CDH20: variants seen among roughly 807,000 people sequenced by gnomAD.
The protein encoded by CDH20 is cadherin 20, also known as cadherin-20.
CDH20 carries 29 observed loss-of-function variants against 74.2 expected under a neutral mutation model. The observed-to-expected ratio is 0.39, with a 90% CI of 0.29 to 0.53. The LOEUF is 0.53. Among genes scored for constraint, CDH20 ranks in the 20% least tolerant of loss-of-function variants. CDH20 has a pLI of 0.69. For synonymous variants in CDH20, 469 were observed against 405.4 expected (o/e 1.16, Z -1.88); for missense variants, 988 against 1,048.3 (o/e 0.94, Z 0.79).
chr18:61,476,192 C>T (rs944929070), intron 1 of CDH20, among the ~76,000 whole-genome samples: 3 of 152,172 alleles, frequency 2.0e-5, no homozygotes, highest in Non-Finnish European at 4.4e-5. Context: ...ATGGCTTCTG[C>T]TTCAAGAACA....
chr18:61,485,930 G>A (rs608456), intron 1 of CDH20, among the ~76,000 whole-genome samples: 150,862 of 152,132 alleles, frequency 0.99, 74,819 homozygotes, highest in Middle Eastern at 1. Context: ...AAAATTAGCC[G>A]GGTGTGGTGG....
intron 1 of CDH20, among the ~76,000 whole-genome samples, chr18:61,476,714 G>A (rs535855494): frequency 1.2e-4 from 18 of 152,260 alleles, no homozygotes; most frequent in Admixed American, 4.6e-4. Flanking sequence ...ACTTGAAATG[G>A]CTGAGAAGAT....
chr18:61,394,568 G>C (rs1469320496), intron 1 of CDH20, among the ~76,000 whole-genome samples: 1 of 152,098 alleles, frequency 6.6e-6, no homozygotes, highest in Non-Finnish European at 1.5e-5. Flanking sequence ...CCCTCAGAAG[G>C]AACCAACCCT....
intron 1 of CDH20, among the ~76,000 whole-genome samples, chr18:61,406,835 G>A (rs1285158627): frequency 1.3e-5 from 2 of 151,350 alleles, no homozygotes; most frequent in African/African-American, 4.9e-5. Context: ...AGAGTGTTGG[G>A]GAAACATCAT....
At chr18:61,359,990 AGTTGCC>A (rs1910635560) in intron 1 of CDH20, among the ~76,000 whole-genome samples, 2 of 152,164 alleles carry the variant, frequency 1.3e-5, no homozygotes, top group Admixed American at 6.5e-5. Context: ...CTAAAGGAAA[AGTTGCC>A]GTCAAATTTA....
At position 61,554,427 on chromosome 18, in the gene CDH20, C is replaced by G. The variant is rs1913551810; in HGVS notation, c.2138C>G (p.Pro713Arg). 6.2e-7 allele frequency: 1 copy of G among 1,613,216 alleles called. No individual in the cohort carries two copies. Among genetic ancestry groups the G allele is most frequent in the Non-Finnish European group, 8.5e-7 (1 of 1,179,832 alleles). The stretch of plus-strand genomic sequence containing the variant: ...ATCGAGAGCCTCTCCCGCTACGTGC[C>G]TCAGACGTGCGCAGTGAACAGCACT... ...PEIESLSRYV[P>R]QTCAVNSTVH... Residue 713 changes from proline to arginine, a missense_variant, in exon 12 of 12, where the codon CCT becomes CGT. Transcript: ENST00000262717.
intron 9 of CDH20, among the ~76,000 whole-genome samples, chr18:61,544,249 C>T (rs113795320): frequency 0.023 from 3,577 of 152,298 alleles, 73 homozygotes; most frequent in Non-Finnish European, 0.033. Flanking sequence ...CCATGGGGAG[C>T]GCTTTTGGGC....
intron 1 of CDH20, among the ~76,000 whole-genome samples, chr18:61,408,804 A>C (rs1323077405): frequency 2.0e-5 from 3 of 152,262 alleles, no homozygotes; most frequent in Non-Finnish European, 2.9e-5. Context: ...AACAAACAAA[A>C]AAACCCACCA....
intron 2 of CDH20, among the ~76,000 whole-genome samples, chr18:61,498,813 C>CA (rs1911260183): frequency 1.3e-5 from 2 of 152,144 alleles, no homozygotes; most frequent in African/African-American, 4.8e-5. Context: ...TAGGCTTATC[C>CA]ATTTTATTTT....
intron 1 of CDH20, among the ~76,000 whole-genome samples, chr18:61,443,551 T>G (rs28562696): frequency 0.16 from 24,235 of 152,012 alleles, 2,162 homozygotes; most frequent in African/African-American, 0.24. Flanking sequence ...CTACTCAGAG[T>G]GTGGCCCTCG....
At chr18:61,480,838 A>C (rs940281245) in intron 1 of CDH20, among the ~76,000 whole-genome samples, 2 of 152,226 alleles carry the variant, frequency 1.3e-5, no homozygotes, top group African/African-American at 4.8e-5. Context: ...CTGACACATA[A>C]GGATTATGTT....
intron 1 of CDH20, among the ~76,000 whole-genome samples, chr18:61,373,351 G>C (rs779202525): frequency 1.3e-5 from 2 of 151,594 alleles, no homozygotes; most frequent in Non-Finnish European, 2.9e-5. Flanking sequence ...CCCACAGATT[G>C]CTGACCCTAT....
At chr18:61,373,745 G>A (rs1010068947) in intron 1 of CDH20, among the ~76,000 whole-genome samples, 2 of 152,102 alleles carry the variant, frequency 1.3e-5, no homozygotes, top group African/African-American at 4.8e-5. Context: ...TTCTTGCCTT[G>A]GCATCTGGGA....
chr18:61,429,527 G>T (rs989962958), intron 1 of CDH20, among the ~76,000 whole-genome samples: 2 of 152,092 alleles, frequency 1.3e-5, no homozygotes, highest in Admixed American at 1.3e-4. Flanking sequence ...CATGACTTCA[G>T]CTCCGAAGAG....
At chr18:61,351,385 T>A (rs2061170752) in intron 1 of CDH20, among the ~76,000 whole-genome samples, 1 of 152,176 alleles carries the variant, frequency 6.6e-6, no homozygotes, top group Non-Finnish European at 1.5e-5. Context: ...CTCTTGCCTC[T>A]CCCTGAGCAA....
At chr18:61,459,220 C>T (rs568569076) in intron 1 of CDH20, among the ~76,000 whole-genome samples, 1 of 152,292 alleles carries the variant, frequency 6.6e-6, no homozygotes, top group South Asian at 2.1e-4. Flanking sequence ...ATAGTAAGGA[C>T]ACTCTATCAC....
rs2144116426 is a variant in CDH20 at position 61,353,054 on chromosome 18, A to G, written c.-153+19227A>G. Among the ~76,000 whole-genome samples the G allele has an allele frequency of 6.6e-6, 1 of 152,290 alleles. No homozygotes were observed. The highest frequency in any genetic ancestry group is 2.4e-5 in the African/African-American group (1 of 41,562). ...CAGCCTCTTCTCTAGCAACCTTCAC[A>G]TGCTGTCCATAGCTTCTATTTTATG... On this transcript the variant is annotated intron_variant, in intron 1 of 11. Coordinates refer to ENST00000262717, the MANE Select transcript of CDH20 (RefSeq NM_031891.4). The surrounding 1 kb of genome is among the most constrained non-coding windows in gnomAD (Gnocchi z 4.6).
At chr18:61,435,750 T>C in intron 1 of CDH20, among the ~76,000 whole-genome samples, 1 of 150,356 alleles carries the variant, frequency 6.7e-6, no homozygotes, top group East Asian at 1.9e-4. Context: ...AATATATTTA[T>C]GTATACAAAA....
intron 1 of CDH20, among the ~76,000 whole-genome samples, chr18:61,452,038 A>G (rs1199448917): frequency 6.6e-6 from 1 of 152,170 alleles, no homozygotes; most frequent in African/African-American, 2.4e-5. Context: ...TAGTATCTGG[A>G]AGGACAAATA....
Sources: allele counts gnomAD v4.1 joint callset (sites outside exome capture counted in the v4.1 genomes callset), GRCh38; gene constraint gnomAD v4.1.1; non-coding constraint Gnocchi (gnomAD v3.1); transcripts MANE v1.5; gene names NCBI Gene and HGNC (gene_info 2026-07-23, HGNC 2026-07-21).